TOPBP1: variants seen among roughly 807,000 people sequenced by gnomAD.
TOPBP1 encodes the protein DNA topoisomerase 2-binding protein 1.
Under a neutral mutation model 167.7 loss-of-function variants are expected in TOPBP1, and 28 were observed. The ratio of observed to expected loss-of-function variants is 0.17; its 90% CI spans 0.12 to 0.23. TOPBP1 has a LOEUF of 0.23. Among genes scored for constraint, TOPBP1 ranks in the 10% least tolerant of loss-of-function variants. The probability of loss-of-function intolerance (pLI) is 1.00; values close to 1 mark genes in which losing one functional copy is unlikely to be tolerated. For synonymous variants in TOPBP1, 598 were observed against 611.4 expected, an observed-to-expected ratio of 0.98 and a Z score of 0.32; for missense variants, 1,554 against 1,809.6, an observed-to-expected ratio of 0.86 and a Z score of 2.56.
intron 27 of TOPBP1, among the ~76,000 whole-genome samples, chr3:133,606,608 G>C (rs1237475853): frequency 6.7e-6 from 1 of 149,960 alleles, no homozygotes; most frequent in Non-Finnish European, 1.5e-5. Context: ...TAAAATTGTA[G>C]TCTTAATACT....
In TOPBP1 at chr3:133,638,162, T is replaced by C. The variant is rs752378373; in HGVS notation, c.2234A>G (p.Glu745Gly). ...TGTTATTTCTGTTTCCAAACTTCGT[T>C]CTAGAGATTTAAAATGAAAAGAAAC... is the stretch of plus-strand genomic sequence containing the variant. ...HFLIENSTKEERSLETEITNG... is the reference protein window; with the variant it reads ...HFLIENSTKEGRSLETEITNG... Residue 745 changes from glutamate (E) to glycine (G), a missense_variant and splice_region_variant, in exon 14 of 28, where the codon GAA (glutamate) becomes GGA (glycine). Coordinates refer to ENST00000260810, the MANE Select transcript of TOPBP1 (RefSeq NM_007027.4). 9 of 1,611,430 alleles carry C rather than the reference T, an allele frequency of 5.6e-6. No individual in the cohort carries two copies. The highest frequency in any genetic ancestry group is 4.0e-5 in the African/African-American group (3 of 74,762).
intron 23 of TOPBP1, among the ~76,000 whole-genome samples, chr3:133,612,761 TAAATA>T (rs1403601604): frequency 7.8e-6 from 1 of 128,940 alleles, no homozygotes; most frequent in African/African-American, 2.9e-5. Context: ...AATACAAAAG[TAAATA>T]AAATAGTAAA....
At chr3:133,635,791 G>T (rs536283094) in intron 14 of TOPBP1, among the ~76,000 whole-genome samples, 1 of 152,110 alleles carries the variant, frequency 6.6e-6, no homozygotes, top group South Asian at 2.1e-4. Context: ...ATACCACATA[G>T]TAACACACAC....
In TOPBP1 at chr3:133,610,962, T is replaced by C. The variant is rs778240752; in HGVS notation, c.4173+42A>G. 29 of 1,511,096 alleles carry C rather than the reference T, an allele frequency of 1.9e-5. No individual in the cohort carries two copies. The Admixed American group carries it at 3.1e-4, about 16-fold the overall frequency. The allele number at this position is 1,511,096 out of a possible 1,614,324, so 93.6% of individuals were successfully genotyped here. A position where few individuals can be genotyped will look rare whatever the true frequency, so the allele number is the denominator to read the frequency against. On this transcript the variant is annotated intron_variant, in intron 25 of 27. Coordinates refer to ENST00000260810, the MANE Select transcript of TOPBP1 (RefSeq NM_007027.4). Reference sequence around the variant, plus strand: ...AAAAAAATGTGAAAGAGTCACAATATTGAATGCTATTTGTATTACCTATAT... The same window carrying C: ...AAAAAAATGTGAAAGAGTCACAATACTGAATGCTATTTGTATTACCTATAT...
chr3:133,654,222 T>C (rs975343938), intron 6 of TOPBP1, among the ~76,000 whole-genome samples: 2 of 152,332 alleles, frequency 1.3e-5, no homozygotes, highest in South Asian at 4.1e-4. Flanking sequence ...AATTGTAAAT[T>C]TGTGCTATAT....
intron 8 of TOPBP1, among the ~76,000 whole-genome samples, chr3:133,650,743 A>C (rs1236187107): frequency 6.6e-6 from 1 of 152,214 alleles, no homozygotes; most frequent in Non-Finnish European, 1.5e-5. Context: ...ATTTGGAATC[A>C]TATACTTTCT....
At position 133,660,299 on chromosome 3, in the gene TOPBP1, C is replaced by T. The variant is rs114828164; in HGVS notation, c.84+745G>A. 6.4e-3 allele frequency among the ~76,000 whole-genome samples: 973 copies of T among 152,278 alleles called. 6 individuals carry two copies. The highest frequency in any genetic ancestry group is 8.6e-3 in the Non-Finnish European group (582 of 68,010). The stretch of plus-strand genomic sequence containing the variant: ...CTCTGGAACCCCTTAACGTGTTTTG[C>T]TTTTTTCTCTTCCTAATTTATCATG... On this transcript the variant is annotated intron_variant, in intron 2 of 27. Transcript: ENST00000260810.
chr3:133,628,573 G>T lies in TOPBP1; in HGVS notation c.2681C>A (p.Ala894Asp), dbSNP rs1218008479. ...ALSASPQLKE[A>D]QSEKEEAPKP... ...AACTAATCCTACCTTCTCTGACTGGGCCTCTTTCAGTTGAGGGCTGGCAGA... is the reference window on the plus strand; with the variant it reads ...AACTAATCCTACCTTCTCTGACTGGTCCTCTTTCAGTTGAGGGCTGGCAGA... The change falls in exon 15 of 28, where the codon GCC (alanine) becomes GAC (aspartate). Residue 894 changes from alanine to aspartate, a missense_variant. Coordinates refer to ENST00000260810, the MANE Select transcript of TOPBP1 (RefSeq NM_007027.4). The T allele has an allele frequency of 6.8e-6, 11 of 1,611,188 alleles. No homozygotes were observed. Among genetic ancestry groups the T allele is most frequent in the Non-Finnish European group, 8.5e-6 (10 of 1,178,650 alleles).
In TOPBP1 at chr3:133,624,736, T is replaced by C. The variant is rs932708657; in HGVS notation, c.2805-561A>G. Among the ~76,000 whole-genome samples, 4 of 152,324 alleles carry C rather than the reference T, an allele frequency of 2.6e-5. No individual in the cohort carries two copies. The South Asian group carries it at 6.2e-4, about 24-fold the overall frequency. ...AGTTGCTGGCAGTCACTATTCATTG[T>C]ATGCCCCAAAACAGACTATATATAT... On this transcript the variant is annotated intron_variant, in intron 16 of 27. Transcript: ENST00000260810.
At chr3:133,623,596 C>T in intron 17 of TOPBP1, 139 bp from the exon 18 acceptor site, 2 of 978,694 alleles carry the variant, frequency 2.0e-6, no homozygotes, top group Non-Finnish European at 2.8e-6. Flanking sequence ...AAGTAGTTTA[C>T]ACTGAAAAAT....
At chr3:133,631,690 G>A (rs909731688) in intron 14 of TOPBP1, among the ~76,000 whole-genome samples, 4 of 152,078 alleles carry the variant, frequency 2.6e-5, no homozygotes, top group African/African-American at 4.8e-5. Flanking sequence ...TCTGTTGCCC[G>A]GGCTGTGGCG....
intron 2 of TOPBP1, among the ~76,000 whole-genome samples, chr3:133,660,045 A>G (rs1936631273): frequency 6.6e-6 from 1 of 152,012 alleles, no homozygotes; most frequent in Non-Finnish European, 1.5e-5. Flanking sequence ...CTCTTCCCCC[A>G]TCCCTCACTC....
rs772708050 is a variant in TOPBP1, at chr3:133,624,078, T to C, written c.2902A>G (p.Ile968Val). The C allele has an allele frequency of 6.8e-6, 11 of 1,613,416 alleles. No individual in the cohort carries two copies. Among genetic ancestry groups the C allele is most frequent in the Admixed American group, 5.0e-5 (3 of 59,946 alleles). The part of the protein sequence containing the change: ...YKSVKERGVH[I>V]VSEHWLLDCA... ...TCTAAAAGCCAGTGCTCGGAAACAA[T>C]GTGTACTCCTCTTTCTTTTACAGAT... Residue 968 changes from isoleucine (I) to valine (V), a missense_variant, in exon 17 of 28, where the codon ATT becomes GTT. By Grantham distance (29) the Ile-to-Val change is conservative. This residue lies in a region of TOPBP1 where 1,197 missense variants were observed against 1,351.5 expected (regional missense o/e 0.89). Coordinates refer to ENST00000260810, the MANE Select transcript of TOPBP1 (RefSeq NM_007027.4).
Position 133,620,161 on chromosome 3 carries a change from G to A in TOPBP1, c.3365C>T (p.Ala1122Val). The A allele has an allele frequency of 6.2e-7, 1 of 1,612,000 alleles. No individual in the cohort carries two copies. Among genetic ancestry groups the A allele is most frequent in the South Asian group, 1.1e-5 (1 of 90,706 alleles). Reference sequence around the variant, plus strand: ...ATCAGTGACAGGTACACACCTCAGTGCCTCTAGGACTCTACTTCGTCCACT... The same window carrying A: ...ATCAGTGACAGGTACACACCTCAGTACCTCTAGGACTCTACTTCGTCCACT... Reference protein sequence around the residue: ...ARSGRSRVLEALRQSRQTVPD... With the variant: ...ARSGRSRVLEVLRQSRQTVPD... Residue 1122 changes from alanine to valine, a missense_variant, in exon 20 of 28, where the codon GCA becomes GTA. Around this residue, in one of 3 missense-constraint regions of TOPBP1, gnomAD observed 1,197 missense variants for 1,351.5 expected, o/e 0.89. Coordinates refer to ENST00000260810, the MANE Select transcript of TOPBP1 (RefSeq NM_007027.4).
chr3:133,612,715 T>G (rs1273041018), intron 23 of TOPBP1, among the ~76,000 whole-genome samples, 163 bp from the exon 24 acceptor site: 1 of 152,100 alleles, frequency 6.6e-6, no homozygotes, highest in Non-Finnish European at 1.5e-5. Flanking sequence ...TATATACATA[T>G]ATATATGTAT....
chr3:133,614,149 C>T (rs1327635703), intron 23 of TOPBP1, among the ~76,000 whole-genome samples: 1 of 152,102 alleles, frequency 6.6e-6, no homozygotes, highest in Non-Finnish European at 1.5e-5. Flanking sequence ...TAAGATGACT[C>T]TAATAATAAT....
At chr3:133,636,944 A>AT (rs1935697205) in intron 14 of TOPBP1, among the ~76,000 whole-genome samples, 1 of 152,206 alleles carries the variant, frequency 6.6e-6, no homozygotes, top group African/African-American at 2.4e-5. Context: ...TTTGAGTTTA[A>AT]TAGTAAAGAC....
intron 14 of TOPBP1, among the ~76,000 whole-genome samples, chr3:133,632,356 G>A (rs1324128868): frequency 6.6e-6 from 1 of 152,094 alleles, no homozygotes; most frequent in African/African-American, 2.4e-5. Context: ...AGTGAGCCGA[G>A]ATCATGCCAC....
rs1211824345 is a variant in TOPBP1 at position 133,659,079 on chromosome 3, C to T, written c.156G>A (p.Glu52=). The change falls in exon 3 of 28, where the codon GAG becomes GAA. Residue 52 remains glutamate, a synonymous_variant. Transcript: ENST00000260810. The part of the protein sequence containing the change: ...ITEEEALKIK[E]NDRSLYICDP... ...CACAGATATAAAGTGATCTATCATTCTCCTTTATCTTCAATGCCTCTTCTT... is the reference window on the plus strand; with the variant it reads ...CACAGATATAAAGTGATCTATCATTTTCCTTTATCTTCAATGCCTCTTCTT... The T allele has an allele frequency of 1.3e-6, 2 of 1,593,398 alleles. No homozygotes were observed. Among genetic ancestry groups the T allele is most frequent in the Non-Finnish European group, 1.7e-6 (2 of 1,169,362 alleles).
Sources: gnomAD v4.1 joint callset for allele counts (sites outside exome capture counted in the v4.1 genomes callset) on GRCh38, gnomAD v4.1.1 for gene constraint, gnomAD v4.1.1 regional missense constraint, MANE v1.5 for transcripts, NCBI Gene and HGNC (gene_info 2026-07-23, HGNC 2026-07-21) for gene names.